The following NSF variants were observed in gnomAD, a reference collection of about 807,000 sequenced individuals.
NSF encodes vesicle-fusing ATPase.
Under a neutral mutation model 50.3 loss-of-function variants are expected in NSF, and 14 were observed. The ratio of observed to expected loss-of-function variants is 0.28; its 90% CI spans 0.18 to 0.44. NSF has a LOEUF of 0.44. Among genes scored for constraint, NSF ranks in the 20% least tolerant of loss-of-function variants. The probability of loss-of-function intolerance (pLI) is 1.00; values close to 1 mark genes in which losing one functional copy is unlikely to be tolerated. For missense variants in NSF, 218 were observed against 504.3 expected, an observed-to-expected ratio of 0.43 and a Z score of 5.44; for synonymous variants, 109 against 175.7, an observed-to-expected ratio of 0.62 and a Z score of 3.00.
At chr17:46,638,624 G>A (rs1470812369) in intron 5 of NSF, among the ~76,000 whole-genome samples, 2 of 134,454 alleles carry the variant, frequency 1.5e-5, no homozygotes, top group African/African-American at 3.1e-5. Flanking sequence ...TGATCCATCC[G>A]CCTTGACCTC....
chr17:46,743,866 G>A (rs1463194259), intron 17 of NSF, among the ~76,000 whole-genome samples: 3 of 152,052 alleles, frequency 2.0e-5, no homozygotes, highest in South Asian at 2.1e-4. Flanking sequence ...TTAGCATCCC[G>A]AGTCTGCCTT....
At chr17:46,688,086 AAT>A (rs2058509989) in intron 9 of NSF, among the ~76,000 whole-genome samples, 1 of 118,756 alleles carries the variant, frequency 8.4e-6, no homozygotes, top group Non-Finnish European at 1.7e-5. Context: ...AATACATAAA[AAT>A]ATATTTCCTT....
At chr17:46,717,875 T>C (rs2058789442) in intron 15 of NSF, among the ~76,000 whole-genome samples, 1 of 152,158 alleles carries the variant, frequency 6.6e-6, no homozygotes, top group Non-Finnish European at 1.5e-5. Context: ...CTGACCGAAC[T>C]GGAGCAGCGT....
At chr17:46,728,276 A>G (rs1416671626) in intron 16 of NSF, among the ~76,000 whole-genome samples, 1 of 152,174 alleles carries the variant, frequency 6.6e-6, no homozygotes. Context: ...CGTTTTATTG[A>G]AATTCCTTAT....
At chr17:46,729,801 T>C (rs965509451) in intron 17 of NSF, among the ~76,000 whole-genome samples, 1 of 152,196 alleles carries the variant, frequency 6.6e-6, no homozygotes, top group Non-Finnish European at 1.5e-5. Context: ...TTAACAGTTA[T>C]ATATGTGCGT....
chr17:46,755,612 G>A (rs1206949292), intron 20 of NSF, 190 bp from the exon 21 acceptor site: 1 of 712,096 alleles, frequency 1.4e-6, no homozygotes. Flanking sequence ...ATATTTATTG[G>A]AACCTGCTTT....
chr17:46,740,824 G>T (rs919316208), intron 17 of NSF, among the ~76,000 whole-genome samples: 2 of 152,046 alleles, frequency 1.3e-5, no homozygotes, highest in Non-Finnish European at 2.9e-5. Flanking sequence ...ACCACGTCCA[G>T]CTAATTTTTG....
intron 17 of NSF, among the ~76,000 whole-genome samples, chr17:46,734,928 G>GT (rs1185397763): frequency 6.6e-6 from 1 of 152,098 alleles, no homozygotes; most frequent in African/African-American, 2.4e-5. Context: ...GTGAGCATCC[G>GT]TAGACCCAGC....
chr17:46,709,742 G>T (rs568654600), intron 13 of NSF, among the ~76,000 whole-genome samples: 9 of 151,944 alleles, frequency 5.9e-5, no homozygotes, highest in African/African-American at 1.5e-4. Flanking sequence ...TGATCCACCC[G>T]CCTCAGCCTC....
At chr17:46,716,384 G>C (rs1222992917) in intron 15 of NSF, among the ~76,000 whole-genome samples, 5 of 151,644 alleles carry the variant, frequency 3.3e-5, no homozygotes, top group African/African-American at 1.2e-4. Flanking sequence ...AGCCTCCCAA[G>C]TAGCTGGGAC....
At chr17:46,602,752 C>A (rs1174213673) in intron 1 of NSF, among the ~76,000 whole-genome samples, 2 of 147,508 alleles carry the variant, frequency 1.4e-5, no homozygotes, top group African/African-American at 5.1e-5. Context: ...ATTTAATTAT[C>A]CTGACTATTT....
chr17:46,743,991 T>G (rs1393731991), intron 17 of NSF, among the ~76,000 whole-genome samples: 2 of 152,186 alleles, frequency 1.3e-5, no homozygotes, highest in Admixed American at 6.5e-5. Flanking sequence ...ACCTGTCCCT[T>G]CTTTTCAAGG....
chr17:46,725,041 G>A (rs2058873029), intron 15 of NSF, among the ~76,000 whole-genome samples: 1 of 151,958 alleles, frequency 6.6e-6, no homozygotes, highest in Non-Finnish European at 1.5e-5. Context: ...AATGATATGA[G>A]GATACAGAGG....
intron 1 of NSF, among the ~76,000 whole-genome samples, chr17:46,622,349 T>G (rs1355708397): frequency 6.7e-6 from 1 of 149,830 alleles, no homozygotes; most frequent in Non-Finnish European, 1.5e-5. Context: ...TCCCAGCTAC[T>G]TGGGAGGCTG....
At chr17:46,741,050 A>C (rs2059066000) in intron 17 of NSF, among the ~76,000 whole-genome samples, 1 of 152,130 alleles carries the variant, frequency 6.6e-6, no homozygotes, top group African/African-American at 2.4e-5. Context: ...GCAAGAGTGG[A>C]CCCCAAATCT....
Position 46,741,766 on chromosome 17 carries a change from T to G in NSF, c.1909-8007T>G, listed in dbSNP as rs901134912. Among the ~76,000 whole-genome samples, 20 of 9,046 alleles carry G rather than the reference T, an allele frequency of 2.2e-3. No individual in the cohort carries two copies. In the Admixed American group the frequency reaches 0.031, roughly 14 times the overall value. 5.9% of individuals were successfully genotyped at this position (9,046 alleles called of 152,430 possible). A position where few individuals can be genotyped will look rare whatever the true frequency, so the allele number is the denominator to read the frequency against. ...GGAGATGTTAATAGTACTTGGTTTT[T>G]GTTTTTGTTGTTGTTGTTTTGAGAT... On this transcript the variant is annotated intron_variant, in intron 17 of 20. Coordinates refer to ENST00000398238, the MANE Select transcript of NSF (RefSeq NM_006178.4).
intron 19 of NSF, among the ~76,000 whole-genome samples, chr17:46,754,813 CA>C (rs1310450370): frequency 6.6e-6 from 1 of 152,160 alleles, no homozygotes; most frequent in Non-Finnish European, 1.5e-5. Flanking sequence ...TTTGTTACTA[CA>C]AAGAAGAAAC....
At chr17:46,732,931 G>C (rs1013983891) in intron 17 of NSF, among the ~76,000 whole-genome samples, 1 of 152,222 alleles carries the variant, frequency 6.6e-6, no homozygotes, top group Non-Finnish European at 1.5e-5. Flanking sequence ...GTCACACAAG[G>C]CATGGGGGTG....
chr17:46,752,503 C>G (rs901999193), intron 19 of NSF, among the ~76,000 whole-genome samples: 7 of 151,826 alleles, frequency 4.6e-5, no homozygotes, highest in Admixed American at 1.3e-4. Context: ...TCTCCCAGGC[C>G]GGAATGCAGT....
Sources: gnomAD v4.1 joint callset for allele counts (sites outside exome capture counted in the v4.1 genomes callset) on GRCh38, gnomAD v4.1.1 for gene constraint, MANE v1.5 for transcripts, NCBI Gene and HGNC (gene_info 2026-07-23, HGNC 2026-07-21) for gene names.